VWA8: variants seen among roughly 807,000 people sequenced by gnomAD.
VWA8 encodes the protein von Willebrand factor A domain-containing protein 8.
In VWA8, 221 loss-of-function variants were observed where a neutral mutation model predicts 241.5. The observed-to-expected ratio is 0.91, with a 90% CI of 0.82 to 1.02. The LOEUF is 1.02. VWA8 is among the 50% of genes least tolerant of loss of function. The pLI is 0.00. For synonymous variants in VWA8, 852 were observed against 827.1 expected (o/e 1.03, Z -0.52); for missense variants, 2,322 against 2,328.7 (o/e 1.00, Z 0.06).
At chr13:41,940,374 C>A (rs1365826915) in intron 2 of VWA8, among the ~76,000 whole-genome samples, 1 of 151,882 alleles carries the variant, frequency 6.6e-6, no homozygotes, top group Non-Finnish European at 1.5e-5. Flanking sequence ...GGGTATCAAA[C>A]TTCAACAAAA....
At chr13:41,696,403 G>C (rs1331536402) in intron 29 of VWA8, among the ~76,000 whole-genome samples, 2 of 152,128 alleles carry the variant, frequency 1.3e-5, no homozygotes, top group African/African-American at 2.4e-5. Flanking sequence ...GTAGCACTTT[G>C]CTCTTTAAAT....
chr13:41,947,668 C>T (rs9315876), intron 2 of VWA8, among the ~76,000 whole-genome samples: 2 of 152,124 alleles, frequency 1.3e-5, no homozygotes, highest in Non-Finnish European at 2.9e-5. Context: ...GGCGCAGTGG[C>T]TCATGCCAGT....
At chr13:41,714,314 G>C (rs994056069) in intron 26 of VWA8, among the ~76,000 whole-genome samples, 3 of 151,856 alleles carry the variant, frequency 2.0e-5, no homozygotes, top group Non-Finnish European at 4.4e-5. Context: ...AGCTTAATAT[G>C]AAGTAAGTAG....
intron 37 of VWA8, among the ~76,000 whole-genome samples, chr13:41,655,206 C>T (rs899860133): frequency 3.9e-5 from 6 of 151,912 alleles, no homozygotes; most frequent in African/African-American, 1.5e-4. Flanking sequence ...TCTCCTGCCT[C>T]AGCCTCTCTA....
chr13:41,793,246 T>C (rs1051651599), intron 17 of VWA8, among the ~76,000 whole-genome samples: 1 of 152,176 alleles, frequency 6.6e-6, no homozygotes, highest in Non-Finnish European at 1.5e-5. Flanking sequence ...TTTTTCTCCA[T>C]TTAGTAGAAT....
chr13:41,705,561 T>A (rs78711028), intron 26 of VWA8, among the ~76,000 whole-genome samples: 1 of 152,246 alleles, frequency 6.6e-6, no homozygotes, highest in Admixed American at 6.5e-5. Context: ...GAAGACATAA[T>A]GTAACAGACT....
At chr13:41,866,362 T>A (rs868664868) in intron 10 of VWA8, among the ~76,000 whole-genome samples, 252 of 146,296 alleles carry the variant, frequency 1.7e-3, no homozygotes, top group South Asian at 6.7e-3. Flanking sequence ...AAAAAAAATA[T>A]ATATATATAT....
chr13:41,662,516 G>C (rs1209333913), intron 37 of VWA8, among the ~76,000 whole-genome samples: 1 of 148,902 alleles, frequency 6.7e-6, no homozygotes, highest in Non-Finnish European at 1.5e-5. Flanking sequence ...TCTAAGAGTA[G>C]TTTCTTTTGC....
intron 14 of VWA8, among the ~76,000 whole-genome samples, chr13:41,822,840 G>A (rs1871018602): frequency 6.6e-6 from 1 of 152,030 alleles, no homozygotes; most frequent in African/African-American, 2.4e-5. Flanking sequence ...CTATGTGAAA[G>A]AAACCAGACA....
rs1871835457 is a variant in VWA8, at chr13:41,838,292, A to G, written c.1426-4761T>C. Among the ~76,000 whole-genome samples the G allele has an allele frequency of 1.3e-5, 2 of 152,164 alleles. 1 individual carries two copies. Among genetic ancestry groups the G allele is most frequent in the South Asian group, 4.1e-4 (2 of 4,836 alleles). On this transcript the variant is annotated intron_variant, in intron 12 of 44. Transcript: ENST00000379310. The stretch of plus-strand genomic sequence containing the variant: ...AGTGGTTGTGTGTACAGTATCTAGA[A>G]TATCATTAGAATTATTTTTCCAAGG...
At chr13:41,838,839 T>C (rs1214518301) in intron 12 of VWA8, among the ~76,000 whole-genome samples, 1 of 152,250 alleles carries the variant, frequency 6.6e-6, no homozygotes, top group Non-Finnish European at 1.5e-5. Flanking sequence ...TCCTTTCTTA[T>C]GGCTGCAGAG....
At chr13:41,790,277 ATCT>A (rs1457725731) in intron 17 of VWA8, among the ~76,000 whole-genome samples, 3 of 152,126 alleles carry the variant, frequency 2.0e-5, no homozygotes, top group Admixed American at 6.6e-5. Flanking sequence ...ACCAACAATA[ATCT>A]TCTAGTTTTA....
At chr13:41,897,414 AGGATGT>A (rs1364719591) in intron 4 of VWA8, among the ~76,000 whole-genome samples, 1 of 152,218 alleles carries the variant, frequency 6.6e-6, no homozygotes, top group Admixed American at 6.5e-5. Context: ...GATGTTGATG[AGGATGT>A]GGAGAAAAGA....
intron 12 of VWA8, among the ~76,000 whole-genome samples, chr13:41,839,219 G>A (rs1871879125): frequency 6.6e-6 from 1 of 152,098 alleles, no homozygotes. Flanking sequence ...TCTCATTGTG[G>A]TTTTGATTTG....
chr13:41,879,128 T>A (rs988864198), intron 9 of VWA8, among the ~76,000 whole-genome samples: 1 of 152,172 alleles, frequency 6.6e-6, no homozygotes, highest in Non-Finnish European at 1.5e-5. Flanking sequence ...TCTACTTCGA[T>A]GACCAATGGC....
At chr13:41,645,377 G>C (rs2044824410) in intron 37 of VWA8, among the ~76,000 whole-genome samples, 1 of 152,182 alleles carries the variant, frequency 6.6e-6, no homozygotes, top group Admixed American at 6.5e-5. Flanking sequence ...AGTTTGGGTT[G>C]TATGAGAATT....
At chr13:41,826,084 T>C (rs1196152552) in intron 14 of VWA8, among the ~76,000 whole-genome samples, 1 of 152,150 alleles carries the variant, frequency 6.6e-6, no homozygotes, top group African/African-American at 2.4e-5. Context: ...AAAAAGAACA[T>C]ATTTATTTTC....
At chr13:41,785,135 A>G (rs1486680866) in intron 18 of VWA8, among the ~76,000 whole-genome samples, 2 of 152,122 alleles carry the variant, frequency 1.3e-5, no homozygotes, top group Non-Finnish European at 2.9e-5. Context: ...AGTAATACTA[A>G]TGATTACAAT....
intron 37 of VWA8, among the ~76,000 whole-genome samples, chr13:41,628,365 GTA>G (rs1566393747): frequency 1.3e-5 from 2 of 152,000 alleles, no homozygotes; most frequent in African/African-American, 4.8e-5. Context: ...CCATTATTGG[GTA>G]TATACCCAAA....
Sources: allele counts gnomAD v4.1 joint callset (sites outside exome capture counted in the v4.1 genomes callset), GRCh38; gene constraint gnomAD v4.1.1; transcripts MANE v1.5; gene names NCBI Gene and HGNC (gene_info 2026-07-23, HGNC 2026-07-21).